The following CYP2E1 variants were observed in gnomAD, a reference collection of about 807,000 sequenced individuals.
CYP2E1 encodes cytochrome P450 family 2 subfamily E member 1.
In CYP2E1, 31 loss-of-function variants were observed where a neutral mutation model predicts 42.9. The ratio of observed to expected loss-of-function variants is 0.72; its 90% confidence interval spans 0.54 to 0.98. CYP2E1 has a LOEUF of 0.98. Ranked by LOEUF, CYP2E1 falls within the 50% of genes least tolerant of loss-of-function variation. The probability of loss-of-function intolerance (pLI) is 0.00; values close to 1 mark genes in which losing one functional copy is unlikely to be tolerated. For missense variants in CYP2E1, 565 were observed against 633.2 expected (o/e 0.89, Z 1.16); for synonymous variants, 244 against 248.9 (o/e 0.98, Z 0.19).
chr10:133,527,682 G>A (rs1851286981), intron 1 of CYP2E1, 110 bp downstream of exon 1: 2 of 851,510 alleles, frequency 2.3e-6, no homozygotes, highest in Non-Finnish European at 3.8e-6. Flanking sequence ...CCAGCCTGTT[G>A]TGAATTACCT....
At position 133,531,692 on chromosome 10, in the gene CYP2E1, A is replaced by C. The variant is rs2133595585; in HGVS notation, c.445A>C (p.Arg149=). The change falls in exon 3 of 9, where the codon AGG becomes CGG. Residue 149 remains arginine (R), a synonymous_variant. Transcript: ENST00000252945. ...GKQGNESRIQ[R]EAHFLLEALR... ...ACAGGGCAATGAGAGCCGGATCCAG[A>C]GGGAGGCCCACTTCCTGCTGGAAGC... The C allele has an allele frequency of 6.2e-7, 1 of 1,611,304 alleles. No homozygotes were observed. Among genetic ancestry groups the C allele is most frequent in the Admixed American group, 1.7e-5 (1 of 59,774 alleles).
intron 1 of CYP2E1, 26 bp downstream of exon 1, chr10:133,527,598 G>A (rs746474553): frequency 1.3e-6 from 2 of 1,572,698 alleles, no homozygotes; most frequent in Admixed American, 1.7e-5. Context: ...TTGATTTTAG[G>A]GAGAATAACT....
chr10:133,531,895 G>T, intron 3 of CYP2E1, 161 bp downstream of exon 3: 1 of 822,992 alleles, frequency 1.2e-6, no homozygotes. Context: ...CTAGGTTCCA[G>T]CTACACAGTT....
At chr10:133,534,226 T>TC (rs578051414) in intron 6 of CYP2E1, among the ~76,000 whole-genome samples, 20 of 152,030 alleles carry the variant, frequency 1.3e-4, no homozygotes, top group African/African-American at 4.3e-4. Flanking sequence ...ATGTCCCAGT[T>TC]CCCCCCAAGT....
intron 8 of CYP2E1, 100 bp from the exon 9 acceptor site, chr10:133,538,680 C>T: frequency 9.4e-7 from 1 of 1,067,130 alleles, no homozygotes; most frequent in Non-Finnish European, 1.4e-6. Flanking sequence ...TGGCCGTTTG[C>T]CCACAGCCTC....
chr10:133,536,415 G>A lies in CYP2E1; in HGVS notation c.968-648G>A, dbSNP rs963435591. On this transcript the variant is annotated intron_variant, in intron 6 of 8. Coordinates refer to ENST00000252945, the MANE Select transcript of CYP2E1 (RefSeq NM_000773.4). ...TGGATGGGTGGGTGGATGGACGGAC[G>A]GATGGATGGATGGATGGATGGATGG... Among the ~76,000 whole-genome samples, 4 of 147,620 alleles carry A rather than the reference G, an allele frequency of 2.7e-5. 1 individual carries two copies. Among genetic ancestry groups the A allele is most frequent in the African/African-American group, 5.0e-5 (2 of 40,104 alleles).
intron 2 of CYP2E1, among the ~76,000 whole-genome samples, chr10:133,531,207 T>C (rs8192772): frequency 0.1 from 15,644 of 152,128 alleles, 920 homozygotes; most frequent in South Asian, 0.25. Flanking sequence ...ATGTTGTCGA[T>C]AGATAGGAAA....
Position 133,538,848 on chromosome 10 carries a change from C to A in CYP2E1, c.1366C>A (p.Gln456Lys), listed in dbSNP as rs1564850601. The A allele has an allele frequency of 6.2e-7, 1 of 1,614,040 alleles. No homozygotes were observed. The highest frequency in any genetic ancestry group is 2.2e-5 in the East Asian group (1 of 44,864). Residue 456 changes from glutamine to lysine, a missense_variant, in exon 9 of 9, where the codon CAG becomes AAG. Transcript: ENST00000252945. The part of the protein sequence containing the change: ...ELFLLLCAIL[Q>K]HFNLKPLVDP... ...GTTTCTTTTGTTGTGTGCCATTTTGCAGCATTTTAATTTGAAGCCTCTCGT... is the reference window on the plus strand; with the variant it reads ...GTTTCTTTTGTTGTGTGCCATTTTGAAGCATTTTAATTTGAAGCCTCTCGT...
chr10:133,533,651 C>G, intron 5 of CYP2E1, 105 bp from the exon 6 acceptor site: 1 of 1,330,672 alleles, frequency 7.5e-7, no homozygotes, highest in Non-Finnish European at 1.0e-6. Flanking sequence ...GGGAGAGCCT[C>G]TTGGACACTG....
At chr10:133,533,158 TGAG>T (rs1851358403) in intron 5 of CYP2E1, among the ~76,000 whole-genome samples, 2 of 152,186 alleles carry the variant, frequency 1.3e-5, no homozygotes, top group Admixed American at 1.3e-4. Flanking sequence ...GCATTTTGTC[TGAG>T]GAGAAGCCCT....
At chr10:133,537,952 C>T (rs1396429177) in intron 8 of CYP2E1, 60 bp downstream of exon 8, 2 of 1,546,874 alleles carry the variant, frequency 1.3e-6, no homozygotes, top group African/African-American at 1.4e-5. Flanking sequence ...CTCATCTCCC[C>T]TCCACATGTG....
chr10:133,534,780 C>A (rs567262718), intron 6 of CYP2E1, among the ~76,000 whole-genome samples: 1 of 152,226 alleles, frequency 6.6e-6, no homozygotes, highest in Admixed American at 6.5e-5. Context: ...GAAGTTATTT[C>A]CCCCAAGAAA....
Position 133,528,615 on chromosome 10 carries a change from C to G in CYP2E1, c.312C>G (p.Pro104=). The G allele has an allele frequency of 1.2e-6, 2 of 1,613,344 alleles. No homozygotes were observed. The highest frequency in any genetic ancestry group is 4.5e-5 in the East Asian group (2 of 44,846). The change falls in exon 2 of 9, where the codon CCC becomes CCG. Residue 104 remains proline (P), a synonymous_variant. Transcript: ENST00000252945. The stretch of plus-strand genomic sequence containing the variant: ...AGTTCTCGGGCAGAGGCGACCTCCC[C>G]GCGTTCCATGCGCACAGGGACAGGG... ...KDEFSGRGDL[P]AFHAHRDRGI... is the part of the protein sequence containing the mutation.
intron 6 of CYP2E1, among the ~76,000 whole-genome samples, chr10:133,536,397 G>GT (rs1851395848): frequency 6.6e-6 from 1 of 151,286 alleles, no homozygotes; most frequent in Non-Finnish European, 1.5e-5. Flanking sequence ...GGCTGGATGG[G>GT]TGGGTGGATG....
intron 3 of CYP2E1, 187 bp downstream of exon 3, chr10:133,531,921 GC>G: frequency 1.3e-6 from 1 of 752,696 alleles, no homozygotes; most frequent in Non-Finnish European, 2.1e-6. Flanking sequence ...AGCAAGGGTG[GC>G]CATTAAACAC....
At chr10:133,527,939 C>T in intron 1 of CYP2E1, 1 of 262,078 alleles carries the variant, frequency 3.8e-6, no homozygotes, top group Non-Finnish European at 7.3e-6. Context: ...TGGGCCAGCC[C>T]GTGTGGCACC....
chr10:133,536,986 A>AGATGGGTAGAT, intron 6 of CYP2E1, 77 bp from the exon 7 acceptor site: 1 of 1,046,422 alleles, frequency 9.6e-7, no homozygotes, highest in Non-Finnish European at 1.5e-6. Flanking sequence ...GTGATTGAAT[A>AGATGGGTAGAT]GATGGGTGGA....
chr10:133,531,187 C>T (rs41258504), intron 2 of CYP2E1, among the ~76,000 whole-genome samples: 9,667 of 152,108 alleles, frequency 0.064, 650 homozygotes, highest in African/African-American at 0.17. Context: ...GAATGAATGG[C>T]TTTTCAAGAA....
chr10:133,532,550 A>G (rs1851352160), intron 4 of CYP2E1, 142 bp from the exon 5 acceptor site: 3 of 822,638 alleles, frequency 3.6e-6, no homozygotes, highest in Non-Finnish European at 5.8e-6. Context: ...ATGGTGCCCA[A>G]GAAGGACACT....
Sources: gnomAD v4.1 joint callset for allele counts (sites outside exome capture counted in the v4.1 genomes callset) on GRCh38, gnomAD v4.1.1 for gene constraint, MANE v1.5 for transcripts, NCBI Gene and HGNC (gene_info 2026-07-23, HGNC 2026-07-21) for gene names.